The following GABRG3 variants were observed in gnomAD, a reference collection of about 807,000 sequenced individuals.
GABRG3 encodes the protein gamma-aminobutyric acid type A receptor subunit gamma3, also known as gamma-aminobutyric acid receptor subunit gamma-3.
Under a neutral mutation model 48.8 loss-of-function variants are expected in GABRG3, and 25 were observed. That is an observed-to-expected ratio of 0.51 (90% CI 0.37 to 0.72). GABRG3 has a LOEUF of 0.72. Ranked by LOEUF, GABRG3 falls within the 30% of genes least tolerant of loss-of-function variation. The pLI is 0.00. For missense variants in GABRG3, 394 were observed against 577.9 expected (o/e 0.68, Z 3.26); for synonymous variants, 227 against 217.6 (o/e 1.04, Z -0.38).
intron 3 of GABRG3, among the ~76,000 whole-genome samples, chr15:27,162,046 A>T (rs185179104): frequency 6.6e-6 from 1 of 152,234 alleles, no homozygotes; most frequent in Non-Finnish European, 1.5e-5. Flanking sequence ...TGAAGGGAAA[A>T]TTTATGCAAT....
intron 3 of GABRG3, among the ~76,000 whole-genome samples, chr15:27,228,818 G>A (rs1368450470): frequency 6.6e-6 from 1 of 152,172 alleles, no homozygotes; most frequent in Non-Finnish European, 1.5e-5. Context: ...AATAATCAGT[G>A]ATGATGAGCT....
chr15:27,175,885 T>C (rs530944142), intron 3 of GABRG3, among the ~76,000 whole-genome samples: 1 of 152,310 alleles, frequency 6.6e-6, no homozygotes, highest in South Asian at 2.1e-4. Flanking sequence ...ATCAGCCTGC[T>C]GAGCCTCCTC....
At position 27,313,262 on chromosome 15, in the gene GABRG3, G is replaced by GTATATATA. The variant is rs1169926074; in HGVS notation, c.271-13506_271-13499dup. ...TATATGTGTGTGTGTGTGTGTGTGT[G>GTATATATA]TATATATATATATATATATATATAT... On this transcript the variant is annotated intron_variant, in intron 3 of 9. Coordinates refer to ENST00000615808, the MANE Select transcript of GABRG3 (RefSeq NM_033223.5). 3.6e-3 allele frequency among the ~76,000 whole-genome samples: 124 copies of GTATATATA among 34,486 alleles called. 8 individuals are homozygous for GTATATATA. Among genetic ancestry groups the GTATATATA allele is most frequent in the Middle Eastern group, 0.019 (1 of 52 alleles). The allele number at this position is 34,486 out of a possible 152,430, so 22.6% of individuals were successfully genotyped here. A position where few individuals can be genotyped will look rare whatever the true frequency, so the allele number is the denominator to read the frequency against.
chr15:27,527,854 T>A, intron 8 of GABRG3, 79 bp from the exon 9 acceptor site: 1 of 1,233,706 alleles, frequency 8.1e-7, no homozygotes, highest in Non-Finnish European at 1.2e-6. Context: ...AGTCATACCC[T>A]AAAGATTGCT....
intron 3 of GABRG3, among the ~76,000 whole-genome samples, chr15:27,159,826 G>C (rs734254): frequency 6.6e-6 from 1 of 152,142 alleles, no homozygotes; most frequent in Non-Finnish European, 1.5e-5. Flanking sequence ...GGAGGAGGTC[G>C]CATAGATTAT....
intron 5 of GABRG3, among the ~76,000 whole-genome samples, chr15:27,431,999 A>C (rs1888468717): frequency 6.6e-6 from 1 of 152,188 alleles, no homozygotes; most frequent in African/African-American, 2.4e-5. Flanking sequence ...TTGTGGTTGG[A>C]GAACATACAT....
At chr15:27,145,555 AC>A (rs1898182792) in intron 3 of GABRG3, among the ~76,000 whole-genome samples, 1 of 148,132 alleles carries the variant, frequency 6.8e-6, no homozygotes, top group Non-Finnish European at 1.5e-5. Flanking sequence ...AGTCTCAGAG[AC>A]CTATTACTCT....
chr15:27,468,208 C>T (rs901742454), intron 5 of GABRG3, among the ~76,000 whole-genome samples: 1 of 152,190 alleles, frequency 6.6e-6, no homozygotes, highest in African/African-American at 2.4e-5. Flanking sequence ...AGAGATTTAT[C>T]ACAAGGTGAA....
At chr15:27,030,831 C>G (rs948814106) in intron 3 of GABRG3, among the ~76,000 whole-genome samples, 1 of 151,996 alleles carries the variant, frequency 6.6e-6, no homozygotes, top group Non-Finnish European at 1.5e-5. Flanking sequence ...TGAGTGTGAC[C>G]TGCTTGGCAA....
intron 2 of GABRG3, among the ~76,000 whole-genome samples, chr15:26,982,351 C>T (rs1447389281): frequency 6.6e-6 from 1 of 152,164 alleles, no homozygotes; most frequent in Admixed American, 6.5e-5. Flanking sequence ...CAGTGAAGCA[C>T]CTTCCTCATG....
chr15:27,299,908 A>G (rs923926795), intron 3 of GABRG3, among the ~76,000 whole-genome samples: 6 of 152,206 alleles, frequency 3.9e-5, no homozygotes, highest in African/African-American at 1.2e-4. Flanking sequence ...AAAAGAGGTC[A>G]AGAAAATGAC....
rs1414982700 is a variant in GABRG3 at position 27,014,269 on chromosome 15, G to A, written c.203-12485G>A. ...ATCAGCTCTTGGTTTTGTTGATTTT[G>A]TTTCTATTTTCTATTTCCTATTTCA... On this transcript the variant is annotated intron_variant, in intron 2 of 9. Transcript: ENST00000615808. 3.4e-5 allele frequency among the ~76,000 whole-genome samples: 5 copies of A among 149,144 alleles called. No homozygotes were observed. The South Asian group carries it at 8.5e-4, about 25-fold the overall frequency.
In GABRG3 at chr15:26,971,441, C is replaced by T. The variant is rs559976974; in HGVS notation, c.-95C>T. 5 of 1,070,298 alleles carry T rather than the reference C, an allele frequency of 4.7e-6. No homozygotes were observed. The highest frequency in any genetic ancestry group is 2.0e-5 in the South Asian group (1 of 51,264). 66.3% of individuals were successfully genotyped at this position (1,070,298 alleles called of 1,614,324 possible). On this transcript the variant is annotated 5_prime_UTR_variant, in exon 1 of 10. Transcript: ENST00000615808. ...CCGCGGCCAGCAGCCTCGGAGGAAG[C>T]CAGGGCAAAGAGGGCCGGCGGAGAC...
At chr15:27,010,205 A>G (rs1895659449) in intron 2 of GABRG3, among the ~76,000 whole-genome samples, 1 of 152,144 alleles carries the variant, frequency 6.6e-6, no homozygotes, top group Admixed American at 6.5e-5. Context: ...ATAGCTTGGG[A>G]TCTAGGGTAA....
At chr15:27,086,346 G>T (rs1394513785) in intron 3 of GABRG3, among the ~76,000 whole-genome samples, 1 of 93,734 alleles carries the variant, frequency 1.1e-5, no homozygotes, top group Non-Finnish European at 2.5e-5. Flanking sequence ...AGGCAGCATG[G>T]GTTGTGGGGG....
At position 27,306,533 on chromosome 15, in the gene GABRG3, TAAAC is replaced by T. The variant is rs1363754329; in HGVS notation, c.271-20274_271-20271del. The stretch of plus-strand genomic sequence containing the variant: ...TATATAAACATATATAATATAAACA[TAAAC>T]ATATAATATAAACATATATAATATA... On this transcript the variant is annotated intron_variant, in intron 3 of 9. Transcript: ENST00000615808. Among the ~76,000 whole-genome samples, 4 of 133,844 alleles carry T rather than the reference TAAAC, an allele frequency of 3.0e-5. No homozygotes were observed. In the South Asian group the frequency reaches 7.0e-4, roughly 23 times the overall value. The allele number at this position is 133,844 out of a possible 152,430, so 87.8% of individuals were successfully genotyped here. A position where few individuals can be genotyped will look rare whatever the true frequency, so the allele number is the denominator to read the frequency against.
intron 2 of GABRG3, among the ~76,000 whole-genome samples, chr15:27,023,528 G>A (rs111458932): frequency 0.018 from 2,742 of 152,266 alleles, 42 homozygotes; most frequent in Middle Eastern, 0.051. Context: ...GAGTTTGAGT[G>A]CCGTAGAAGG....
rs935632668 is a variant in GABRG3 at position 27,236,639 on chromosome 15, G to A, written c.271-90170G>A. On this transcript the variant is annotated intron_variant, in intron 3 of 9. Transcript: ENST00000615808. The surrounding 1 kb of genome is among the most constrained non-coding windows in gnomAD (Gnocchi z 4.4). ...AGCCCACCAGTTTCACAATACACCT[G>A]TTCCTGATTAGAGACCACCAGCCAC... 1.3e-5 allele frequency among the ~76,000 whole-genome samples: 2 copies of A among 152,164 alleles called. No individual in the cohort carries two copies. The highest frequency in any genetic ancestry group is 1.3e-4 in the Admixed American group (2 of 15,280).
At chr15:27,341,760 G>C (rs1180487539) in intron 5 of GABRG3, among the ~76,000 whole-genome samples, 1 of 152,134 alleles carries the variant, frequency 6.6e-6, no homozygotes, top group Non-Finnish European at 1.5e-5. Context: ...ATTGGTGGAG[G>C]ACAGTCAGAA....
Sources: allele counts gnomAD v4.1 joint callset (sites outside exome capture counted in the v4.1 genomes callset), GRCh38; gene constraint gnomAD v4.1.1; non-coding constraint Gnocchi (gnomAD v3.1); transcripts MANE v1.5; gene names NCBI Gene and HGNC (gene_info 2026-07-23, HGNC 2026-07-21).